CATSPERE: variants seen among roughly 807,000 people sequenced by gnomAD.
CATSPERE encodes catsper channel auxiliary subunit epsilon.
Under a neutral mutation model 114.1 loss-of-function variants are expected in CATSPERE, and 93 were observed. The observed-to-expected ratio is 0.81, with a 90% confidence interval of 0.69 to 0.97. The LOEUF (loss-of-function observed/expected upper bound fraction) is 0.97, where lower values mean the gene tolerates loss of function less well. CATSPERE is among the 50% of genes least tolerant of loss of function. The pLI is 0.00. For synonymous variants in CATSPERE, 341 were observed against 384.1 expected (o/e 0.89, Z 1.31); for missense variants, 1,058 against 1,131.6 (o/e 0.93, Z 0.93).
intron 5 of CATSPERE, among the ~76,000 whole-genome samples, chr1:244,484,646 G>A (rs1488718104): frequency 6.6e-6 from 1 of 152,044 alleles, no homozygotes; most frequent in Non-Finnish European, 1.5e-5. Flanking sequence ...CATCATTTTG[G>A]TGCTTTCTAG....
intron 17 of CATSPERE, among the ~76,000 whole-genome samples, chr1:244,598,878 T>C (rs949017185): frequency 1.3e-5 from 2 of 152,062 alleles, no homozygotes; most frequent in Non-Finnish European, 2.9e-5. Context: ...TGTCTCAATA[T>C]ATTGATATAT....
intron 5 of CATSPERE, among the ~76,000 whole-genome samples, chr1:244,483,892 C>G (rs2148182436): frequency 6.6e-6 from 1 of 152,094 alleles, no homozygotes; most frequent in African/African-American, 2.4e-5. Context: ...CTTTCAAGAT[C>G]ATAAGGATTT....
chr1:244,465,710 C>T (rs1369723569), intron 2 of CATSPERE, among the ~76,000 whole-genome samples: 2 of 152,084 alleles, frequency 1.3e-5, no homozygotes, highest in African/African-American at 2.4e-5. Flanking sequence ...TGGCTATTTG[C>T]GTTTTTATAT....
intron 2 of CATSPERE, among the ~76,000 whole-genome samples, chr1:244,471,722 C>T (rs941505655): frequency 6.6e-6 from 1 of 152,168 alleles, no homozygotes; most frequent in Non-Finnish European, 1.5e-5. Flanking sequence ...GAACTTCATT[C>T]CTTTTTATTG....
chr1:244,543,293 T>C (rs1331881387), intron 8 of CATSPERE, among the ~76,000 whole-genome samples: 1 of 152,178 alleles, frequency 6.6e-6, no homozygotes, highest in Non-Finnish European at 1.5e-5. Flanking sequence ...AGTGGAATAC[T>C]ATTCAGCCTT....
intron 14 of CATSPERE, among the ~76,000 whole-genome samples, chr1:244,589,955 A>G (rs1461251819): frequency 6.6e-6 from 1 of 152,174 alleles, no homozygotes; most frequent in African/African-American, 2.4e-5. Context: ...CAGTGGGCCT[A>G]TGGATTTTAC....
chr1:244,618,551 C>T (rs903468510), intron 20 of CATSPERE, among the ~76,000 whole-genome samples: 3 of 152,082 alleles, frequency 2.0e-5, no homozygotes, highest in Non-Finnish European at 4.4e-5. Flanking sequence ...GAGGTCAAGG[C>T]GGGAGGATCA....
chr1:244,521,117 G>A (rs1231929065), intron 8 of CATSPERE, among the ~76,000 whole-genome samples: 1 of 152,202 alleles, frequency 6.6e-6, no homozygotes, highest in Non-Finnish European at 1.5e-5. Flanking sequence ...ACTTTGGGAG[G>A]CCAAGGCAGG....
At chr1:244,599,669 A>C (rs539966812) in intron 17 of CATSPERE, among the ~76,000 whole-genome samples, 3 of 152,292 alleles carry the variant, frequency 2.0e-5, no homozygotes, top group Non-Finnish European at 4.4e-5. Flanking sequence ...AGACCTTACA[A>C]TGACTTTCAA....
chr1:244,594,117 C>T (rs1052450379), intron 17 of CATSPERE, among the ~76,000 whole-genome samples: 1 of 152,006 alleles, frequency 6.6e-6, no homozygotes, highest in African/African-American at 2.4e-5. Flanking sequence ...CCCAGGAGAT[C>T]GAGATCAGCA....
chr1:244,536,321 A>G (rs955670588), intron 8 of CATSPERE, among the ~76,000 whole-genome samples: 1 of 152,062 alleles, frequency 6.6e-6, no homozygotes, highest in Admixed American at 6.5e-5. Flanking sequence ...CCAGTACAGC[A>G]CTAGATCTTG....
intron 8 of CATSPERE, among the ~76,000 whole-genome samples, chr1:244,525,165 A>T (rs1202194962): frequency 6.6e-6 from 1 of 150,782 alleles, no homozygotes; most frequent in African/African-American, 2.5e-5. Context: ...AGCCATAAAA[A>T]ATGATGAGTT....
intron 7 of CATSPERE, among the ~76,000 whole-genome samples, chr1:244,501,877 C>G (rs1443743668): frequency 6.6e-6 from 1 of 152,218 alleles, no homozygotes; most frequent in African/African-American, 2.4e-5. Flanking sequence ...TCTCTGGCCT[C>G]AGCTCTCTAC....
At chr1:244,561,602 G>A (rs1186722226) in intron 10 of CATSPERE, among the ~76,000 whole-genome samples, 1 of 152,080 alleles carries the variant, frequency 6.6e-6, no homozygotes, top group Non-Finnish European at 1.5e-5. Flanking sequence ...GGGAGGTTTT[G>A]TGTTATACAG....
upstream of CATSPERE, among the ~76,000 whole-genome samples, chr1:244,459,174 G>A (rs1008685017): frequency 1.3e-5 from 2 of 151,642 alleles, no homozygotes; most frequent in Non-Finnish European, 2.9e-5. Flanking sequence ...CGCCTCCCAG[G>A]TTCAAACAAT....
intron 7 of CATSPERE, among the ~76,000 whole-genome samples, chr1:244,505,674 G>T (rs879591775): frequency 2.6e-5 from 4 of 152,074 alleles, no homozygotes; most frequent in Non-Finnish European, 4.4e-5. Context: ...AGTCAGCTCA[G>T]GTGATCCTAA....
At chr1:244,572,204 A>G (rs1485419171) in intron 10 of CATSPERE, 126 bp from the exon 11 acceptor site, 1 of 632,596 alleles carries the variant, frequency 1.6e-6, no homozygotes. Flanking sequence ...TGCACATTCT[A>G]ACTTTCTCAA....
At chr1:244,453,835 A>G (rs565335640), upstream of CATSPERE, among the ~76,000 whole-genome samples, 1 of 152,030 alleles carries the variant, frequency 6.6e-6, no homozygotes, top group African/African-American at 2.4e-5. Context: ...CTGTAGCCCT[A>G]TGGTGAGGTG....
At chr1:244,592,229 C>T (rs1667822307) in intron 15 of CATSPERE, among the ~76,000 whole-genome samples, 1 of 152,094 alleles carries the variant, frequency 6.6e-6, no homozygotes, top group Admixed American at 6.6e-5. Flanking sequence ...TTAAATTCTA[C>T]AAGACTGTAG....
Sources: gnomAD v4.1 joint callset for allele counts (sites outside exome capture counted in the v4.1 genomes callset) on GRCh38, gnomAD v4.1.1 for gene constraint, MANE v1.5 for transcripts, NCBI Gene and HGNC (gene_info 2026-07-23, HGNC 2026-07-21) for gene names.